Variants in PCDH15 observed in about 807,000 individuals in gnomAD.
The protein encoded by PCDH15 is protocadherin related 15, also known as protocadherin-15.
In PCDH15, 129 loss-of-function variants were observed where a neutral mutation model predicts 178.5. The observed-to-expected ratio is 0.72, with a 90% CI of 0.63 to 0.84. The LOEUF is 0.84. Ranked by LOEUF, PCDH15 falls within the 40% of genes least tolerant of loss-of-function variation. The pLI is 0.00. For missense variants in PCDH15, 2,230 were observed against 2,099.9 expected, an observed-to-expected ratio of 1.06 and a Z score of -1.21; for synonymous variants, 800 against 732.0, an observed-to-expected ratio of 1.09 and a Z score of -1.50.
intron 2 of PCDH15, among the ~76,000 whole-genome samples, chr10:55,432,185 A>G (rs1307852238): frequency 6.6e-6 from 1 of 152,104 alleles, no homozygotes. Context: ...AGGAATTGGA[A>G]GAAAGTAAAG....
intron 2 of PCDH15, among the ~76,000 whole-genome samples, chr10:55,549,157 T>C (rs1037564735): frequency 7.4e-6 from 1 of 134,376 alleles, no homozygotes; most frequent in Non-Finnish European, 1.5e-5. Context: ...GAGGGTTTTT[T>C]TTGTTTGTTT....
chr10:53,913,249 T>G (rs913746137), intron 25 of PCDH15, among the ~76,000 whole-genome samples: 5 of 152,158 alleles, frequency 3.3e-5, no homozygotes, highest in Non-Finnish European at 5.9e-5. Flanking sequence ...TGTAGAAAGC[T>G]GAAACTGGAT....
At chr10:54,623,276 A>G (rs980273742) in intron 2 of PCDH15, among the ~76,000 whole-genome samples, 1 of 152,168 alleles carries the variant, frequency 6.6e-6, no homozygotes. Flanking sequence ...TGGCGGCAGA[A>G]GCTCTGCATA....
chr10:54,030,151 C>A (rs979105037), intron 18 of PCDH15, among the ~76,000 whole-genome samples: 1 of 151,908 alleles, frequency 6.6e-6, no homozygotes, highest in East Asian at 1.9e-4. Flanking sequence ...CATGTAGCAC[C>A]TAATTGGCCC....
At chr10:54,206,284 C>T (rs1038695786) in intron 10 of PCDH15, among the ~76,000 whole-genome samples, 1 of 152,046 alleles carries the variant, frequency 6.6e-6, no homozygotes, top group Non-Finnish European at 1.5e-5. Flanking sequence ...CCTTGCCACT[C>T]TGGGGAAGAC....
chr10:53,826,511 T>C (rs2076689521), intron 32 of PCDH15, among the ~76,000 whole-genome samples: 1 of 152,068 alleles, frequency 6.6e-6, no homozygotes, highest in Admixed American at 6.5e-5. Flanking sequence ...TTCCAGTTAA[T>C]AAAAGGTTTT....
intron 2 of PCDH15, among the ~76,000 whole-genome samples, chr10:55,421,090 G>T (rs1838609518): frequency 6.7e-6 from 1 of 149,610 alleles, no homozygotes; most frequent in East Asian, 1.9e-4. Flanking sequence ...AAGAGGAAGG[G>T]GGTCTAAACC....
intron 3 of PCDH15, among the ~76,000 whole-genome samples, chr10:54,876,385 A>G (rs938465928): frequency 6.6e-6 from 1 of 152,196 alleles, no homozygotes; most frequent in African/African-American, 2.4e-5. Context: ...TCAAGGAGTA[A>G]TGTCGGTGTT....
intron 5 of PCDH15, among the ~76,000 whole-genome samples, chr10:54,351,107 TAA>T (rs35267443): frequency 1.5e-3 from 226 of 146,084 alleles, no homozygotes; most frequent in South Asian, 2.4e-3. Flanking sequence ...TGTCTCAATT[TAA>T]AAAAAAAAAA....
chr10:53,810,695 T>C (rs1020926631), intron 36 of PCDH15, 31 bp from the exon 37 acceptor site: 30 of 1,568,078 alleles, frequency 1.9e-5, no homozygotes, highest in Non-Finnish European at 2.6e-5. Flanking sequence ...TTTAAACAGT[T>C]TGTCATGTGA....
intron 3 of PCDH15, among the ~76,000 whole-genome samples, chr10:54,498,286 T>C (rs2080323090): frequency 2.0e-5 from 3 of 152,098 alleles, no homozygotes; most frequent in Admixed American, 2.0e-4. Flanking sequence ...CAGACCTGCC[T>C]TACAAAAGGT....
intron 26 of PCDH15, among the ~76,000 whole-genome samples, chr10:53,900,515 C>A (rs2082267119): frequency 1.3e-5 from 2 of 152,118 alleles, no homozygotes; most frequent in Admixed American, 1.3e-4. Flanking sequence ...TCTTTACACA[C>A]CTTATTAAGA....
intron 2 of PCDH15, among the ~76,000 whole-genome samples, chr10:55,571,518 A>T (rs1458221534): frequency 2.0e-5 from 3 of 152,134 alleles, no homozygotes; most frequent in Non-Finnish European, 2.9e-5. Context: ...TAATTTAAGA[A>T]TTCCACAGTG....
chr10:54,821,834 G>A (rs947313333), intron 3 of PCDH15, among the ~76,000 whole-genome samples: 9 of 151,980 alleles, frequency 5.9e-5, no homozygotes, highest in Non-Finnish European at 1.2e-4. Context: ...TAAGATTTTG[G>A]AGGAATTTTT....
intron 8 of PCDH15, among the ~76,000 whole-genome samples, chr10:54,279,443 T>C (rs2058544506): frequency 6.6e-6 from 1 of 151,606 alleles, no homozygotes; most frequent in African/African-American, 2.4e-5. Context: ...CTTTGGAAAC[T>C]CACAACTTCA....
At chr10:54,811,855 G>C (rs1952869495) in intron 3 of PCDH15, among the ~76,000 whole-genome samples, 1 of 152,140 alleles carries the variant, frequency 6.6e-6, no homozygotes, top group African/African-American at 2.4e-5. Flanking sequence ...ATAATTATGA[G>C]TTTAACAACA....
At chr10:54,161,592 C>G (rs2045720268) in intron 13 of PCDH15, among the ~76,000 whole-genome samples, 1 of 150,104 alleles carries the variant, frequency 6.7e-6, no homozygotes, top group Non-Finnish European at 1.5e-5. Flanking sequence ...ACCCCCCACC[C>G]CCACCCCACC....
At chr10:53,970,502 G>GT (rs201979503) in intron 21 of PCDH15, among the ~76,000 whole-genome samples, 49,987 of 150,740 alleles carry the variant, frequency 0.33, 9,998 homozygotes, top group Middle Eastern at 0.57. Context: ...TCCAGGAGCT[G>GT]TTTTTTTTTA....
intron 1 of PCDH15, among the ~76,000 whole-genome samples, chr10:54,704,293 T>G (rs549494000): frequency 6.6e-6 from 1 of 152,192 alleles, no homozygotes; most frequent in East Asian, 1.9e-4. Context: ...CATGAAACTA[T>G]CAAGTGTAAA....
Sources: gnomAD v4.1 joint callset for allele counts (sites outside exome capture counted in the v4.1 genomes callset) on GRCh38, gnomAD v4.1.1 for gene constraint, MANE v1.5 for transcripts, NCBI Gene and HGNC (gene_info 2026-07-23, HGNC 2026-07-21) for gene names.